The following ZNF280D variants were observed in gnomAD, a reference collection of about 807,000 sequenced individuals.
ZNF280D encodes zinc finger protein 280D.
In ZNF280D, 39 loss-of-function variants were observed where a neutral mutation model predicts 94.7. The ratio of observed to expected loss-of-function variants is 0.41; its 90% CI spans 0.32 to 0.54. The LOEUF is 0.54. Ranked by LOEUF, ZNF280D falls within the 20% of genes least tolerant of loss-of-function variation. The probability of loss-of-function intolerance (pLI) is 0.22; values close to 1 mark genes in which losing one functional copy is unlikely to be tolerated. For synonymous variants in ZNF280D, 398 were observed against 377.6 expected (o/e 1.05, Z -0.63); for missense variants, 1,090 against 1,149.3 (o/e 0.95, Z 0.75).
At chr15:56,670,864 T>C (rs188820785) in intron 13 of ZNF280D, among the ~76,000 whole-genome samples, 87 of 152,242 alleles carry the variant, frequency 5.7e-4, no homozygotes, top group Admixed American at 5.0e-3. Context: ...TATCTTTTAA[T>C]AATAGCCATT....
At chr15:56,713,514 A>G (rs1193958053) in intron 1 of ZNF280D, among the ~76,000 whole-genome samples, 3 of 152,080 alleles carry the variant, frequency 2.0e-5, no homozygotes, top group Non-Finnish European at 2.9e-5. Context: ...TTTATATTCT[A>G]TTTCATTTTA....
intron 20 of ZNF280D, among the ~76,000 whole-genome samples, chr15:56,639,144 C>G (rs2052498319): frequency 6.6e-6 from 1 of 150,782 alleles, no homozygotes; most frequent in South Asian, 2.1e-4. Context: ...AATTAAAGAA[C>G]AAATAAAAAG....
At chr15:56,694,134 G>A (rs1018705448) in intron 6 of ZNF280D, among the ~76,000 whole-genome samples, 1 of 151,994 alleles carries the variant, frequency 6.6e-6, no homozygotes, top group Non-Finnish European at 1.5e-5. Flanking sequence ...AAGAAGAGAG[G>A]AGTGAAAAGT....
intron 1 of ZNF280D, among the ~76,000 whole-genome samples, chr15:56,708,884 A>G (rs2057583169): frequency 6.6e-6 from 1 of 152,208 alleles, no homozygotes; most frequent in Admixed American, 6.5e-5. Flanking sequence ...CTTAAATGTT[A>G]GACCTAAAAC....
chr15:56,695,570 A>G (rs795040), intron 6 of ZNF280D, among the ~76,000 whole-genome samples: 147,603 of 148,862 alleles, frequency 0.99, 73,198 homozygotes, highest in Middle Eastern at 1. Flanking sequence ...TCACTCTGTC[A>G]CCAGGCTGGA....
intron 19 of ZNF280D, among the ~76,000 whole-genome samples, chr15:56,651,561 T>G (rs1408147831): frequency 6.6e-6 from 1 of 152,114 alleles, no homozygotes. Context: ...AAAAAGTCTA[T>G]GTAAGACCAC....
At chr15:56,664,434 G>T (rs1400382579) in intron 16 of ZNF280D, among the ~76,000 whole-genome samples, 2 of 152,162 alleles carry the variant, frequency 1.3e-5, no homozygotes, top group Non-Finnish European at 2.9e-5. Flanking sequence ...CAAGTTAACT[G>T]AATATGGTCA....
At chr15:56,653,344 G>T (rs920871419) in intron 19 of ZNF280D, 1 of 1,256,568 alleles carries the variant, frequency 8.0e-7, no homozygotes. Context: ...AGCCCCCAGT[G>T]GGAAGTATGC....
intron 1 of ZNF280D, among the ~76,000 whole-genome samples, chr15:56,720,696 G>A (rs1421443684): frequency 6.6e-6 from 1 of 152,172 alleles, no homozygotes; most frequent in African/African-American, 2.4e-5. Context: ...ATGGGCAGCA[G>A]AATGGATGTT....
Position 56,668,909 on chromosome 15 carries a change from A to G in ZNF280D, c.1459T>C (p.Cys487Arg), listed in dbSNP as rs747357208. 1 of 1,612,394 alleles carries G rather than the reference A, an allele frequency of 6.2e-7. No homozygotes were observed. Among genetic ancestry groups the G allele is most frequent in the Non-Finnish European group, 8.5e-7 (1 of 1,179,112 alleles). ...GTCTTATGATCCATTTTCTCCTTGC[A>G]TGTCAAAAACTGCAGCCTGCATTTT... Reference protein sequence around the residue: ...CTKCRLQFLTCKEKMDHKTQH... With the variant: ...CTKCRLQFLTRKEKMDHKTQH... The change falls in exon 14 of 22, where the codon TGC (cysteine) becomes CGC (arginine). Residue 487 changes from cysteine to arginine, a missense_variant. Transcript: ENST00000267807.
At chr15:56,688,853 A>G (rs1320822269) in intron 9 of ZNF280D, 188 bp downstream of exon 9, 2 of 386,722 alleles carry the variant, frequency 5.2e-6, no homozygotes, top group East Asian at 8.6e-5. Context: ...ATACAAATTT[A>G]AGTTTTAAAA....
intron 17 of ZNF280D, chr15:56,654,779 T>C: frequency 2.0e-6 from 1 of 510,344 alleles, no homozygotes; most frequent in Non-Finnish European, 3.8e-6. Context: ...CTAGAGTCAG[T>C]CTTGGCTCCA....
chr15:56,669,919 TATATATTA>T (rs2054641802), intron 13 of ZNF280D, among the ~76,000 whole-genome samples: 2 of 7,650 alleles, frequency 2.6e-4, no homozygotes, highest in African/African-American at 7.6e-4. Flanking sequence ...ATATATTATA[TATATATTA>T]TATATATATT....
intron 17 of ZNF280D, among the ~76,000 whole-genome samples, chr15:56,657,216 G>A (rs1315025972): frequency 1.3e-5 from 2 of 151,988 alleles, no homozygotes; most frequent in African/African-American, 4.8e-5. Flanking sequence ...TAAGTGTGTG[G>A]TATAACCAAA....
intron 6 of ZNF280D, among the ~76,000 whole-genome samples, chr15:56,695,554 G>A (rs1286495235): frequency 8.1e-6 from 1 of 122,826 alleles, no homozygotes; most frequent in African/African-American, 3.1e-5. Flanking sequence ...TTTTTGAGAC[G>A]GAGTCTCACT....
intron 1 of ZNF280D, among the ~76,000 whole-genome samples, chr15:56,717,427 C>T (rs2058104484): frequency 6.6e-6 from 1 of 152,028 alleles, no homozygotes; most frequent in Non-Finnish European, 1.5e-5. Flanking sequence ...AAGAAGGTGA[C>T]TTGAACTTTG....
intron 6 of ZNF280D, chr15:56,698,336 C>A (rs1379620024): frequency 1.3e-5 from 2 of 152,118 alleles, no homozygotes; most frequent in Non-Finnish European, 2.9e-5. Context: ...CACCACCACC[C>A]ATCAGAAAAC....
chr15:56,669,962 T>TATATATATAA (rs1244362032), intron 13 of ZNF280D, among the ~76,000 whole-genome samples: 1 of 832 alleles, frequency 1.2e-3, no homozygotes, highest in Non-Finnish European at 2.6e-3. Flanking sequence ...TATATATATA[T>TATATATATAA]TATATATATA....
intron 19 of ZNF280D, among the ~76,000 whole-genome samples, chr15:56,643,428 T>G (rs1419410655): frequency 6.6e-6 from 1 of 151,668 alleles, no homozygotes. Context: ...AAATATTTTA[T>G]CTATTGTGAA....
Sources: allele counts gnomAD v4.1 joint callset (sites outside exome capture counted in the v4.1 genomes callset), GRCh38; gene constraint gnomAD v4.1.1; transcripts MANE v1.5; gene names NCBI Gene and HGNC (gene_info 2026-07-23, HGNC 2026-07-21).